PRTFDC1: variants seen among roughly 807,000 people sequenced by gnomAD.
PRTFDC1 encodes the protein phosphoribosyl transferase domain containing 1.
PRTFDC1 carries 38 observed loss-of-function variants against 34.6 expected under a neutral mutation model. The observed-to-expected ratio is 1.10, with a 90% CI of 0.85 to 1.44. The LOEUF is 1.44. Ranked by LOEUF, PRTFDC1 falls within the 40% of genes most tolerant of loss-of-function variation. The pLI, the probability that PRTFDC1 is intolerant of heterozygous loss-of-function variation, is 0.00. For missense variants in PRTFDC1, 270 were observed against 283.0 expected, an observed-to-expected ratio of 0.95 and a Z score of 0.33; for synonymous variants, 93 against 98.1, an observed-to-expected ratio of 0.95 and a Z score of 0.31.
chr10:24,928,601 G>A (rs896325512), intron 3 of PRTFDC1, among the ~76,000 whole-genome samples: 8 of 151,960 alleles, frequency 5.3e-5, no homozygotes, highest in African/African-American at 1.9e-4. Context: ...CCACCACCAC[G>A]CCCAGCTAAT....
intron 3 of PRTFDC1, among the ~76,000 whole-genome samples, chr10:24,878,445 G>T (rs1014637920): frequency 1.3e-5 from 2 of 152,170 alleles, no homozygotes; most frequent in African/African-American, 2.4e-5. Flanking sequence ...ACACCAAGGG[G>T]TGCAGGATCT....
intron 3 of PRTFDC1, among the ~76,000 whole-genome samples, chr10:24,936,373 G>C (rs1219530935): frequency 6.6e-6 from 1 of 151,690 alleles, no homozygotes; most frequent in Non-Finnish European, 1.5e-5. Context: ...CTGTCTCCTG[G>C]GCTCAAACAA....
At chr10:24,942,837 G>T in intron 1 of PRTFDC1, among the ~76,000 whole-genome samples, 1 of 152,070 alleles carries the variant, frequency 6.6e-6, no homozygotes, top group Non-Finnish European at 1.5e-5. Flanking sequence ...CAGTGGAGAT[G>T]AGGTTTTGCC....
intron 3 of PRTFDC1, among the ~76,000 whole-genome samples, chr10:24,879,746 T>C (rs1848033613): frequency 6.6e-6 from 1 of 152,230 alleles, no homozygotes; most frequent in African/African-American, 2.4e-5. Context: ...AAAGTAACTG[T>C]CGTTTTTGCC....
At chr10:24,857,031 A>G (rs766004109) in intron 5 of PRTFDC1, 36 bp from the exon 6 acceptor site, 2 of 1,523,334 alleles carry the variant, frequency 1.3e-6, no homozygotes, top group Non-Finnish European at 1.8e-6. Context: ...AACAAAATGC[A>G]TTTGAGCAGC....
chr10:24,946,396 A>G (rs1227561616), intron 1 of PRTFDC1, among the ~76,000 whole-genome samples: 1 of 152,168 alleles, frequency 6.6e-6, no homozygotes, highest in African/African-American at 2.4e-5. Context: ...ATAATGCCAA[A>G]AAAAGGAAAC....
At chr10:24,951,525 C>T in intron 1 of PRTFDC1, 7 of 980,670 alleles carry the variant, frequency 7.1e-6, no homozygotes, top group Non-Finnish European at 8.5e-6. Flanking sequence ...CTGAATGTGA[C>T]ACGTTTCCCT....
At chr10:24,861,700 GT>G (rs1421557570) in intron 4 of PRTFDC1, among the ~76,000 whole-genome samples, 3 of 151,888 alleles carry the variant, frequency 2.0e-5, no homozygotes, top group Non-Finnish European at 4.4e-5. Context: ...ACTTAGTCAT[GT>G]TTCACATAGC....
Position 24,851,310 on chromosome 10 carries a change from C to T in PRTFDC1, c.630+78G>A, listed in dbSNP as rs540593055. ...GATACTCAATCAATAGCAGACATCA[C>T]TAACACGCATTCAATACTTTTTTAA... On this transcript the variant is annotated intron_variant, in intron 8 of 8. Coordinates refer to ENST00000320152, the MANE Select transcript of PRTFDC1 (RefSeq NM_020200.7). 7.1e-6 allele frequency: 11 copies of T among 1,549,122 alleles called. No homozygotes were observed. In the African/African-American group the frequency reaches 1.1e-4, roughly 16 times the overall value.
intron 5 of PRTFDC1, 93 bp downstream of exon 5, chr10:24,858,299 A>G (rs752212352): frequency 1.6e-5 from 23 of 1,426,368 alleles, no homozygotes; most frequent in Non-Finnish European, 2.1e-5. Flanking sequence ...AGCTCAAGAA[A>G]TCCTTGGTCA....
At chr10:24,921,949 A>G (rs1387665122) in intron 3 of PRTFDC1, among the ~76,000 whole-genome samples, 1 of 152,208 alleles carries the variant, frequency 6.6e-6, no homozygotes, top group Non-Finnish European at 1.5e-5. Context: ...ATTAAACTCA[A>G]ACTTTATTAT....
At chr10:24,945,339 A>C (rs1428785133) in intron 1 of PRTFDC1, among the ~76,000 whole-genome samples, 1 of 152,142 alleles carries the variant, frequency 6.6e-6, no homozygotes, top group Non-Finnish European at 1.5e-5. Flanking sequence ...GAAAACCTGA[A>C]CTCCAACCTG....
At chr10:24,875,764 C>CATTAATTAATCTAACATGACCA (rs1159488546) in intron 3 of PRTFDC1, among the ~76,000 whole-genome samples, 4 of 151,076 alleles carry the variant, frequency 2.6e-5, no homozygotes, top group African/African-American at 9.7e-5. Context: ...TCTACTTCAA[C>CATTAATTAATCTAACATGACCA]ATTAATTAAT....
In PRTFDC1 at chr10:24,849,618, T is replaced by A. The variant is rs1369502004; in HGVS notation, c.*226A>T. On this transcript the variant is annotated 3_prime_UTR_variant, in exon 9 of 9. Transcript: ENST00000320152. The stretch of plus-strand genomic sequence containing the variant: ...AGCATTGCTGAGTCACAAGGCGGAG[T>A]GTTTAATTTGGAACAAGTCAAATAA... 2.1e-6 allele frequency: 1 copy of A among 476,404 alleles called. No homozygotes were observed. Among genetic ancestry groups the A allele is most frequent in the African/African-American group, 1.9e-5 (1 of 51,284 alleles). 29.5% of individuals were successfully genotyped at this position (476,404 alleles called of 1,614,324 possible).
In PRTFDC1 at chr10:24,938,264, G is replaced by A. The variant is rs560004329; in HGVS notation, c.156-897C>T. ...AAAGAACATTTGTTTCCAACATGATGAAGTAAGGAGGTGAACACATCCTCT... is the reference window on the plus strand; with the variant it reads ...AAAGAACATTTGTTTCCAACATGATAAAGTAAGGAGGTGAACACATCCTCT... On this transcript the variant is annotated intron_variant, in intron 2 of 8. Transcript: ENST00000320152. Among the ~76,000 whole-genome samples the A allele has an allele frequency of 2.0e-5, 3 of 151,922 alleles. No homozygotes were observed. The South Asian group carries it at 6.3e-4, about 32-fold the overall frequency.
chr10:24,937,553 TGC>T (rs200677573), intron 2 of PRTFDC1, among the ~76,000 whole-genome samples, 186 bp from the exon 3 acceptor site: 4,156 of 99,364 alleles, frequency 0.042, 174 homozygotes, highest in African/African-American at 0.12. Context: ...CAAAACATAC[TGC>T]TTTTTTTTTT....
At chr10:24,934,001 T>C (rs915982989) in intron 3 of PRTFDC1, among the ~76,000 whole-genome samples, 16 of 152,248 alleles carry the variant, frequency 1.1e-4, no homozygotes, top group African/African-American at 3.9e-4. Context: ...CCAGGCAATT[T>C]ATTATATACA....
chr10:24,864,547 G>C (rs1275609934), intron 4 of PRTFDC1, among the ~76,000 whole-genome samples: 1 of 152,168 alleles, frequency 6.6e-6, no homozygotes, highest in African/African-American at 2.4e-5. Context: ...ACTCACTGAA[G>C]GCTCAGATGA....
At chr10:24,851,751 T>C (rs1433882721) in intron 7 of PRTFDC1, among the ~76,000 whole-genome samples, 1 of 151,492 alleles carries the variant, frequency 6.6e-6, no homozygotes, top group East Asian at 1.9e-4. Context: ...TAACAAGAAA[T>C]ATGCATAATT....
Sources: gnomAD v4.1 joint callset for allele counts (sites outside exome capture counted in the v4.1 genomes callset) on GRCh38, gnomAD v4.1.1 for gene constraint, MANE v1.5 for transcripts, NCBI Gene and HGNC (gene_info 2026-07-23, HGNC 2026-07-21) for gene names.